PTPRE: variants seen among roughly 807,000 people sequenced by gnomAD.
The protein encoded by PTPRE is receptor-type tyrosine-protein phosphatase epsilon.
A neutral mutation model predicts 102.0 loss-of-function variants in PTPRE; 51 were observed. The ratio of observed to expected loss-of-function variants is 0.50; its 90% CI spans 0.40 to 0.63. The LOEUF (loss-of-function observed/expected upper bound fraction) is 0.63, where lower values mean the gene tolerates loss of function less well. PTPRE is among the 30% of genes least tolerant of loss of function. The pLI is 0.00. For synonymous variants in PTPRE, 345 were observed against 348.2 expected (o/e 0.99, Z 0.10); for missense variants, 752 against 915.1 (o/e 0.82, Z 2.30).
At chr10:127,982,380 G>A in intron 2 of PTPRE, 84 bp downstream of exon 2, 1 of 951,258 alleles carries the variant, frequency 1.1e-6, no homozygotes, top group Non-Finnish European at 1.4e-6. Flanking sequence ...TATTAGAAGA[G>A]CATTGTTTTC....
chr10:128,020,612 G>A (rs1043499284), intron 2 of PTPRE, among the ~76,000 whole-genome samples: 1 of 152,164 alleles, frequency 6.6e-6, no homozygotes, highest in Non-Finnish European at 1.5e-5. Flanking sequence ...TTAAGGAAAT[G>A]GCCGGTAGCT....
intron 6 of PTPRE, among the ~76,000 whole-genome samples, chr10:128,053,491 G>A (rs1348842907): frequency 6.6e-6 from 1 of 152,204 alleles, no homozygotes; most frequent in Non-Finnish European, 1.5e-5. Flanking sequence ...GACCCCAGTA[G>A]ACTGACAGCC....
chr10:127,976,143 T>G (rs1158128149), intron 1 of PTPRE, among the ~76,000 whole-genome samples: 1 of 152,104 alleles, frequency 6.6e-6, no homozygotes, highest in Admixed American at 6.6e-5. Flanking sequence ...GGCAAAGATT[T>G]TTTTAAAAAA....
chr10:128,030,019 C>T (rs1846599631), intron 2 of PTPRE, among the ~76,000 whole-genome samples: 1 of 152,254 alleles, frequency 6.6e-6, no homozygotes, highest in African/African-American at 2.4e-5. Flanking sequence ...ACCCAGGGGG[C>T]AGACACAGGC....
chr10:127,980,005 G>T (rs145719658), intron 1 of PTPRE, among the ~76,000 whole-genome samples: 1 of 152,118 alleles, frequency 6.6e-6, no homozygotes, highest in Non-Finnish European at 1.5e-5. Context: ...CAAACATCAC[G>T]AGTCACTCTT....
chr10:128,037,137 G>A (rs371716755), intron 2 of PTPRE, among the ~76,000 whole-genome samples: 6 of 152,210 alleles, frequency 3.9e-5, no homozygotes, highest in African/African-American at 1.2e-4. Context: ...AATGTAGATT[G>A]TTAATGGAAA....
At chr10:128,056,021 G>C (rs1848932661) in intron 6 of PTPRE, 102 bp from the exon 7 acceptor site, 2 of 891,356 alleles carry the variant, frequency 2.2e-6, no homozygotes, top group African/African-American at 3.3e-5. Flanking sequence ...CAGGTAGTTT[G>C]CTCCACGTGT....
intron 1 of PTPRE, among the ~76,000 whole-genome samples, chr10:127,978,138 C>A (rs1469400154): frequency 6.6e-6 from 1 of 152,184 alleles, no homozygotes; most frequent in Non-Finnish European, 1.5e-5. Context: ...TTATTGCCAT[C>A]TGCAGAATGC....
chr10:128,048,665 G>A (rs183519020), intron 5 of PTPRE, among the ~76,000 whole-genome samples: 31 of 152,250 alleles, frequency 2.0e-4, no homozygotes, highest in African/African-American at 7.0e-4. Context: ...TCCAGTCCCC[G>A]GTTCCCTGCC....
intron 2 of PTPRE, among the ~76,000 whole-genome samples, chr10:127,984,633 G>A (rs1350883950): frequency 2.6e-5 from 4 of 152,186 alleles, no homozygotes. Context: ...CCCACGTGTT[G>A]TGGGAGATAA....
At chr10:127,945,359 G>A (rs1216184417) in intron 1 of PTPRE, among the ~76,000 whole-genome samples, 1 of 152,208 alleles carries the variant, frequency 6.6e-6, no homozygotes, top group Non-Finnish European at 1.5e-5. Context: ...AGGCCTCTGT[G>A]CCTGACCTCA....
At chr10:127,939,093 T>C (rs1311749410) in intron 1 of PTPRE, among the ~76,000 whole-genome samples, 1 of 152,234 alleles carries the variant, frequency 6.6e-6, no homozygotes, top group Non-Finnish European at 1.5e-5. Flanking sequence ...ACAAAGAATA[T>C]GAACTAACCC....
chr10:127,915,038 C>T (rs754949472), intron 1 of PTPRE, among the ~76,000 whole-genome samples: 1 of 152,136 alleles, frequency 6.6e-6, no homozygotes, highest in African/African-American at 2.4e-5. Flanking sequence ...TTATTAAATT[C>T]GAGGATTTAT....
chr10:127,994,165 G>A (rs561204594), intron 2 of PTPRE, among the ~76,000 whole-genome samples: 10 of 152,330 alleles, frequency 6.6e-5, no homozygotes, highest in Admixed American at 3.3e-4. Context: ...CTCTGCTCTC[G>A]TGTTCCCGAA....
chr10:127,968,518 G>T (rs529276542), intron 1 of PTPRE, among the ~76,000 whole-genome samples: 2 of 152,328 alleles, frequency 1.3e-5, no homozygotes, highest in South Asian at 4.1e-4. Flanking sequence ...AGGGCAGGGG[G>T]CCTCCCCAGC....
At chr10:127,960,849 C>T (rs903798866) in intron 1 of PTPRE, among the ~76,000 whole-genome samples, 1 of 151,896 alleles carries the variant, frequency 6.6e-6, no homozygotes, top group African/African-American at 2.4e-5. Context: ...GAAACCCCGT[C>T]TCTACTAAAA....
intron 1 of PTPRE, among the ~76,000 whole-genome samples, chr10:127,978,629 G>C: frequency 6.6e-6 from 1 of 152,182 alleles, no homozygotes; most frequent in East Asian, 1.9e-4. Context: ...GCCAGGAGTG[G>C]GTTCAGCAGC....
At chr10:127,953,390 T>C (rs1476943599) in intron 1 of PTPRE, among the ~76,000 whole-genome samples, 2 of 152,224 alleles carry the variant, frequency 1.3e-5, no homozygotes, top group East Asian at 1.9e-4. Context: ...AGACAACTCT[T>C]GGCCTGCTGC....
chr10:127,959,772 CTT>C (rs1393704663), intron 1 of PTPRE, among the ~76,000 whole-genome samples: 1 of 152,186 alleles, frequency 6.6e-6, no homozygotes, highest in Non-Finnish European at 1.5e-5. Context: ...CTCCTTGTCT[CTT>C]TAATTCTCCT....
Sources: allele counts gnomAD v4.1 joint callset (sites outside exome capture counted in the v4.1 genomes callset), GRCh38; gene constraint gnomAD v4.1.1; transcripts MANE v1.5; gene names NCBI Gene and HGNC (gene_info 2026-07-23, HGNC 2026-07-21).